Variants in YY1AP1 observed in about 807,000 individuals in gnomAD.
YY1AP1 encodes YY1-associated protein 1.
A neutral mutation model predicts 39.9 loss-of-function variants in YY1AP1; 43 were observed. The ratio of observed to expected loss-of-function variants is 1.08; its 90% CI spans 0.84 to 1.39. YY1AP1 has a LOEUF of 1.39. YY1AP1 is among the 40% of genes most tolerant of loss of function. The pLI is 0.00. For missense variants in YY1AP1, 813 were observed against 900.7 expected, an observed-to-expected ratio of 0.90 and a Z score of 1.25; for synonymous variants, 292 against 331.3, an observed-to-expected ratio of 0.88 and a Z score of 1.29.
chr1:155,671,414 G>C (rs1448716140), intron 7 of YY1AP1, among the ~76,000 whole-genome samples: 1 of 150,948 alleles, frequency 6.6e-6, no homozygotes, highest in Non-Finnish European at 1.5e-5. Flanking sequence ...CTAGGTGACA[G>C]AGCGAGACTC....
intron 9 of YY1AP1, among the ~76,000 whole-genome samples, chr1:155,665,531 G>A (rs1305079766): frequency 1.3e-5 from 2 of 151,776 alleles, no homozygotes; most frequent in African/African-American, 4.8e-5. Flanking sequence ...CCCGGGAGGC[G>A]GACGTTGCAG....
chr1:155,680,181 CAAA>C (rs35423534), intron 3 of YY1AP1, among the ~76,000 whole-genome samples: 217 of 104,752 alleles, frequency 2.1e-3, no homozygotes, highest in East Asian at 2.8e-3. Context: ...GACTTTGCCT[CAAA>C]AAAAAAAAAA....
intron 7 of YY1AP1, chr1:155,670,668 A>T: frequency 1.8e-6 from 1 of 542,482 alleles, no homozygotes; most frequent in East Asian, 3.3e-5. Flanking sequence ...CTGGCAATAA[A>T]AGTTGACTTT....
Position 155,688,104 on chromosome 1 carries a change from G to C in YY1AP1, c.-54C>G, listed in dbSNP as rs149875937. The C allele has an allele frequency of 6.2e-7, 1 of 1,609,110 alleles. No homozygotes were observed. Among genetic ancestry groups the C allele is most frequent in the Non-Finnish European group, 8.5e-7 (1 of 1,177,012 alleles). On this transcript the variant is annotated 5_prime_UTR_variant, in exon 2 of 11. Transcript: ENST00000355499. Reference sequence around the variant, plus strand: ...AGGCCGAGAGCGATGAGAGTACAGGGAAGTGAGGAAGAGGGGGTGGCCGCC... The same window carrying C: ...AGGCCGAGAGCGATGAGAGTACAGGCAAGTGAGGAAGAGGGGGTGGCCGCC...
chr1:155,667,476 T>C (rs1331444794), intron 9 of YY1AP1, among the ~76,000 whole-genome samples: 2 of 150,220 alleles, frequency 1.3e-5, no homozygotes, highest in Non-Finnish European at 3.0e-5. Flanking sequence ...CCAGCCAGGA[T>C]GACAGAGTGA....
Position 155,660,449 on chromosome 1 carries a change from G to A in YY1AP1, c.1461C>T (p.Pro487=), listed in dbSNP as rs142902174. Reference sequence around the variant, plus strand: ...GAGGGAAGCTTGTCCTGGCCTCAGGGGGCATAGCAGGCAGTGCTGCAGGAG... The same window carrying A: ...GAGGGAAGCTTGTCCTGGCCTCAGGAGGCATAGCAGGCAGTGCTGCAGGAG... ...FESPAALPAM[P]PEARTSFPLS... Residue 487 remains proline, a synonymous_variant, in exon 11 of 11, where the codon CCC becomes CCT. Transcript: ENST00000355499. 1,552 of 1,614,136 alleles carry A rather than the reference G, an allele frequency of 9.6e-4. No homozygotes were observed. The highest frequency in any genetic ancestry group is 1.2e-3 in the Non-Finnish European group (1,392 of 1,180,034).
intron 2 of YY1AP1, 40 bp downstream of exon 2, chr1:155,688,031 G>A (rs1447995270): frequency 6.5e-7 from 1 of 1,530,184 alleles, no homozygotes; most frequent in Non-Finnish European, 8.8e-7. Flanking sequence ...CGCTGAGAGA[G>A]TGCTTAGGCC....
chr1:155,674,910 C>A, intron 6 of YY1AP1, 100 bp downstream of exon 6: 2 of 1,033,296 alleles, frequency 1.9e-6, no homozygotes, highest in African/African-American at 1.6e-5. Context: ...CATAGGAAGC[C>A]ACAGCAATCA....
At chr1:155,678,333 T>C (rs1295760787) in intron 4 of YY1AP1, among the ~76,000 whole-genome samples, 2 of 152,254 alleles carry the variant, frequency 1.3e-5, no homozygotes, top group African/African-American at 4.8e-5. Flanking sequence ...TGAGATGATA[T>C]ATGACTATAT....
intron 9 of YY1AP1, among the ~76,000 whole-genome samples, chr1:155,663,821 T>C (rs940080476): frequency 1.3e-5 from 2 of 151,932 alleles, no homozygotes; most frequent in Non-Finnish European, 1.5e-5. Context: ...TTCAAAATAT[T>C]GAAGCCAAAG....
chr1:155,681,842 ATTTTTTTT>A (rs57371049), intron 2 of YY1AP1, among the ~76,000 whole-genome samples: 1 of 137,630 alleles, frequency 7.3e-6, no homozygotes, highest in Non-Finnish European at 1.6e-5. Flanking sequence ...TACATTGAGG[ATTTTTTTT>A]TTTTTTTTTT....
Position 155,659,599 on chromosome 1 carries a change from GC to G in YY1AP1, c.*57del. The G allele has an allele frequency of 1.3e-6, 2 of 1,593,068 alleles. No individual in the cohort carries two copies. Among genetic ancestry groups the G allele is most frequent in the Non-Finnish European group, 1.7e-6 (2 of 1,166,198 alleles). ...GTTTCCTATTGGTTACACCCTATGCGCCACCAATCGGAGGCCGAAGTGAAGG... is the reference window on the plus strand; with the variant it reads ...GTTTCCTATTGGTTACACCCTATGCGCACCAATCGGAGGCCGAAGTGAAGG... On this transcript the variant is annotated 3_prime_UTR_variant, in exon 11 of 11. Transcript: ENST00000355499.
At chr1:155,680,306 A>C in intron 3 of YY1AP1, 110 bp downstream of exon 3, 6 of 1,239,684 alleles carry the variant, frequency 4.8e-6, no homozygotes, top group Non-Finnish European at 6.9e-6. Flanking sequence ...GACTAAAAGG[A>C]GAATTGGTTC....
intron 2 of YY1AP1, among the ~76,000 whole-genome samples, chr1:155,684,459 G>C (rs1488838477): frequency 6.6e-6 from 1 of 151,962 alleles, no homozygotes; most frequent in Non-Finnish European, 1.5e-5. Flanking sequence ...TCTTATACAG[G>C]GGCCATGTCA....
At chr1:155,664,936 A>AT (rs1207135325) in intron 9 of YY1AP1, among the ~76,000 whole-genome samples, 1 of 151,620 alleles carries the variant, frequency 6.6e-6, no homozygotes, top group East Asian at 2.0e-4. Flanking sequence ...CACCCGGCTA[A>AT]TTTTTTTGTA....
chr1:155,662,654 G>C (rs1648340612), intron 9 of YY1AP1, among the ~76,000 whole-genome samples: 1 of 152,196 alleles, frequency 6.6e-6, no homozygotes, highest in African/African-American at 2.4e-5. Context: ...TGCTCTCATG[G>C]AGCTTACAGA....
chr1:155,659,636 C>T lies in YY1AP1; in HGVS notation c.*21G>A, dbSNP rs1647708027. 2 of 1,613,594 alleles carry T rather than the reference C, an allele frequency of 1.2e-6. No homozygotes were observed. The highest frequency in any genetic ancestry group is 1.3e-5 in the African/African-American group (1 of 74,982). Reference sequence around the variant, plus strand: ...AGGCCGAAGTGAAGGCTCCCAGTCTCCAGACTCTTATTCTCCTAGCTCAAA... The same window carrying T: ...AGGCCGAAGTGAAGGCTCCCAGTCTTCAGACTCTTATTCTCCTAGCTCAAA... On this transcript the variant is annotated 3_prime_UTR_variant, in exon 11 of 11. Coordinates refer to ENST00000355499, the MANE Select transcript of YY1AP1 (RefSeq NM_139119.3).
chr1:155,665,385 G>T (rs1235722822), intron 9 of YY1AP1, among the ~76,000 whole-genome samples: 4 of 151,494 alleles, frequency 2.6e-5, no homozygotes, highest in Non-Finnish European at 5.9e-5. Context: ...GGATCAAGAG[G>T]TCAGGAGATC....
intron 5 of YY1AP1, among the ~76,000 whole-genome samples, chr1:155,675,486 C>T (rs964738530): frequency 1.3e-5 from 2 of 152,078 alleles, no homozygotes; most frequent in African/African-American, 4.8e-5. Context: ...CGCCGCCACA[C>T]CCAGCTAATT....
Sources: gnomAD v4.1 joint callset for allele counts (sites outside exome capture counted in the v4.1 genomes callset) on GRCh38, gnomAD v4.1.1 for gene constraint, MANE v1.5 for transcripts, NCBI Gene and HGNC (gene_info 2026-07-23, HGNC 2026-07-21) for gene names.